Variants in ESR2 observed in about 807,000 individuals in gnomAD.
ESR2 encodes the protein estrogen receptor beta.
ESR2 carries 36 observed loss-of-function variants against 49.6 expected under a neutral mutation model. That is an observed-to-expected ratio of 0.73 (90% CI 0.56 to 0.96). The LOEUF (loss-of-function observed/expected upper bound fraction) is 0.96. Ranked by LOEUF, ESR2 falls within the 40% of genes least tolerant of loss-of-function variation. The pLI, the probability that ESR2 is intolerant of heterozygous loss-of-function variation, is 0.00. For missense variants in ESR2, 714 were observed against 693.0 expected, an observed-to-expected ratio of 1.03 and a Z score of -0.34; for synonymous variants, 320 against 266.1, an observed-to-expected ratio of 1.20 and a Z score of -1.97.
intron 1 of ESR2, among the ~76,000 whole-genome samples, chr14:64,325,531 A>T (rs2077378258): frequency 1.3e-5 from 2 of 152,190 alleles, no homozygotes; most frequent in South Asian, 4.1e-4. Context: ...TGAAGGTGTT[A>T]TTGTAAATTA....
chr14:64,310,081 G>T (rs1013592864), intron 1 of ESR2, among the ~76,000 whole-genome samples: 1 of 151,104 alleles, frequency 6.6e-6, no homozygotes, highest in Non-Finnish European at 1.5e-5. Flanking sequence ...GCGAGACTCC[G>T]TCTTAAAAAA....
In ESR2 at chr14:64,278,819, A is replaced by G. The variant is rs147741765; in HGVS notation, c.535+1162T>C. 1.7e-3 allele frequency among the ~76,000 whole-genome samples: 255 copies of G among 152,312 alleles called. 1 individual carries two copies. Among genetic ancestry groups the G allele is most frequent in the African/African-American group, 5.7e-3 (239 of 41,574 alleles). On this transcript the variant is annotated intron_variant, in intron 3 of 8. Transcript: ENST00000341099. ...AAAAAATAAAATTCTAAGGCCCCTC[A>G]ACCATCTGAATGGGTCCCTCCTCTT...
chr14:64,287,179 C>T (rs2140835406), intron 1 of ESR2, among the ~76,000 whole-genome samples: 1 of 152,218 alleles, frequency 6.6e-6, no homozygotes, highest in East Asian at 1.9e-4. Context: ...AAAACTAAAA[C>T]TCTCTGTTAA....
chr14:64,249,342 C>T (rs1298009968), intron 7 of ESR2, among the ~76,000 whole-genome samples: 2 of 152,040 alleles, frequency 1.3e-5, no homozygotes, highest in African/African-American at 2.4e-5. Context: ...GATTGCCAGT[C>T]ATTCACTTAA....
chr14:64,323,094 A>G (rs2077344431), intron 1 of ESR2, among the ~76,000 whole-genome samples: 1 of 152,232 alleles, frequency 6.6e-6, no homozygotes, highest in Non-Finnish European at 1.5e-5. Context: ...TATTTCCATA[A>G]CTATGGGAAT....
chr14:64,331,139 A>G (rs190981197), intron 1 of ESR2, among the ~76,000 whole-genome samples: 3 of 152,320 alleles, frequency 2.0e-5, no homozygotes, highest in Admixed American at 2.0e-4. Flanking sequence ...CAAAAGACAT[A>G]CTTTAATCAC....
intron 1 of ESR2, among the ~76,000 whole-genome samples, chr14:64,326,486 A>G (rs2077391890): frequency 1.3e-5 from 2 of 152,076 alleles, no homozygotes; most frequent in African/African-American, 4.8e-5. Context: ...ACTTTTTTTG[A>G]TGTAGAAAGT....
In ESR2 at chr14:64,294,062, C is replaced by T. The variant is rs1369066302; in HGVS notation, c.-120G>A. ...CAGATAAACACACCGGCCTTGCCTT[C>T]TCTAAAATGCGGACACGTGCTTTTC... On this transcript the variant is annotated 5_prime_UTR_variant, in exon 1 of 9. Coordinates refer to ENST00000341099, the MANE Select transcript of ESR2 (RefSeq NM_001437.3). The T allele has an allele frequency of 1.3e-5, 2 of 152,284 alleles. No homozygotes were observed. The highest frequency in any genetic ancestry group is 4.8e-5 in the African/African-American group (2 of 41,470). The allele number at this position is 152,284 out of a possible 1,614,324, so 9.4% of individuals were successfully genotyped here.
chr14:64,267,361 TGA>T (rs1361223259), intron 4 of ESR2, among the ~76,000 whole-genome samples: 1 of 122,876 alleles, frequency 8.1e-6, no homozygotes, highest in African/African-American at 3.2e-5. Flanking sequence ...TTTAGGTGTT[TGA>T]GAGAATAACC....
intron 1 of ESR2, chr14:64,337,414 T>A (rs962362113): frequency 6.6e-6 from 1 of 152,218 alleles, no homozygotes; most frequent in Admixed American, 6.5e-5. Context: ...GAATATTTGC[T>A]TCAATTCCCT....
chr14:64,281,094 G>A (rs117503157), intron 2 of ESR2, among the ~76,000 whole-genome samples: 2,096 of 152,190 alleles, frequency 0.014, 40 homozygotes, highest in East Asian at 0.079. Flanking sequence ...AGAAAAAGGG[G>A]GAAGAGAAGA....
chr14:64,301,061 G>A (rs2077016091), intron 1 of ESR2, among the ~76,000 whole-genome samples: 1 of 152,184 alleles, frequency 6.6e-6, no homozygotes, highest in African/African-American at 2.4e-5. Context: ...TTTTACAGAT[G>A]AGAAGATTAA....
upstream of ESR2, among the ~76,000 whole-genome samples, chr14:64,299,155 T>TAA (rs35415214): frequency 1.7e-4 from 24 of 137,386 alleles, no homozygotes; most frequent in East Asian, 1.0e-3. Context: ...TGAAATGAGA[T>TAA]AAAAAAAAAA....
chr14:64,228,897 G>A lies in ESR2; in HGVS notation c.*4240C>T, dbSNP rs565748461. Among the ~76,000 whole-genome samples the A allele has an allele frequency of 1.3e-5, 2 of 152,314 alleles. No homozygotes were observed. The highest frequency in any genetic ancestry group is 6.5e-5 in the Admixed American group (1 of 15,298). The stretch of plus-strand genomic sequence containing the variant: ...ATGCACATCTTAAGAGCTGCCACTG[G>A]AGCCAAAATTCCAGCAAGTTTGAGA... On this transcript the variant is annotated 3_prime_UTR_variant, in exon 9 of 9. Transcript: ENST00000341099.
intron 1 of ESR2, among the ~76,000 whole-genome samples, chr14:64,309,860 G>A (rs571817100): frequency 1.3e-5 from 2 of 152,244 alleles, no homozygotes; most frequent in Non-Finnish European, 2.9e-5. Flanking sequence ...GCTGAGGCGG[G>A]CGGATCACAA....
chr14:64,257,425 T>A, intron 5 of ESR2, 61 bp from the exon 6 acceptor site: 1 of 1,591,552 alleles, frequency 6.3e-7, no homozygotes, highest in Non-Finnish European at 8.5e-7. Flanking sequence ...CCTGTGTGTG[T>A]AGAGACAGAA....
chr14:64,247,435 C>G (rs560916096), intron 7 of ESR2, among the ~76,000 whole-genome samples: 1 of 152,322 alleles, frequency 6.6e-6, no homozygotes, highest in East Asian at 1.9e-4. Flanking sequence ...CAGCTGGAAA[C>G]ATGTGACCAC....
chr14:64,280,588 T>C (rs2076647237), intron 2 of ESR2, among the ~76,000 whole-genome samples: 1 of 152,218 alleles, frequency 6.6e-6, no homozygotes, highest in African/African-American at 2.4e-5. Context: ...GTGAAGGCAT[T>C]CAACCACTTC....
intron 1 of ESR2, among the ~76,000 whole-genome samples, chr14:64,283,739 C>A (rs2076730115): frequency 1.0e-5 from 1 of 96,644 alleles, no homozygotes; most frequent in Non-Finnish European, 1.9e-5. Flanking sequence ...TAGAGTGAGA[C>A]CCTGTCTCAA....
Sources: gnomAD v4.1 joint callset for allele counts (sites outside exome capture counted in the v4.1 genomes callset) on GRCh38, gnomAD v4.1.1 for gene constraint, MANE v1.5 for transcripts, NCBI Gene and HGNC (gene_info 2026-07-23, HGNC 2026-07-21) for gene names.